LRRC66: variants seen among roughly 807,000 people sequenced by gnomAD.
LRRC66 encodes the protein leucine-rich repeat-containing protein 66.
LRRC66 carries 29 observed loss-of-function variants against 24.6 expected under a neutral mutation model. The observed-to-expected ratio is 1.18, with a 90% CI of 0.88 to 1.61. The LOEUF is 1.61. Among genes scored for constraint, LRRC66 ranks in the 40% most tolerant of loss-of-function variants. The pLI is 0.00. For synonymous variants in LRRC66, 411 were observed against 397.6 expected, an observed-to-expected ratio of 1.03 and a Z score of -0.40; for missense variants, 1,124 against 1,058.0, an observed-to-expected ratio of 1.06 and a Z score of -0.87.
intron 3 of LRRC66, among the ~76,000 whole-genome samples, chr4:52,000,583 T>C (rs1273529794): frequency 1.3e-5 from 2 of 152,234 alleles, no homozygotes; most frequent in Non-Finnish European, 2.9e-5. Context: ...ATAATGTTCT[T>C]GCTAGCAGAC....
chr4:52,000,900 G>A (rs1736432497), intron 3 of LRRC66, among the ~76,000 whole-genome samples: 1 of 152,224 alleles, frequency 6.6e-6, no homozygotes, highest in Admixed American at 6.5e-5. Context: ...TAGAAATTGT[G>A]AGATAATCTA....
At chr4:52,005,614 AACAGG>A (rs1315492562) in intron 2 of LRRC66, among the ~76,000 whole-genome samples, 3 of 82,354 alleles carry the variant, frequency 3.6e-5, no homozygotes, top group Admixed American at 1.6e-4. Context: ...AAAAAAAAAA[AACAGG>A]AAAACAAAGG....
chr4:51,996,287 C>T, intron 4 of LRRC66, 122 bp from the exon 5 acceptor site: 1 of 945,562 alleles, frequency 1.1e-6, no homozygotes, highest in Non-Finnish European at 1.5e-6. Flanking sequence ...TCCAGGCACA[C>T]CCAGCCTGGA....
At position 51,994,225 on chromosome 4, in the gene LRRC66, G is replaced by A; in HGVS notation, c.*154C>T. On this transcript the variant is annotated 3_prime_UTR_variant, in exon 5 of 5. Coordinates refer to ENST00000682860, the MANE Select transcript of LRRC66 (RefSeq NM_001024611.3). ...CCTTCTAGAATCATCGCCCTCAAGT[G>A]GGCCCACAAAACCCTCATTTGCATC... 1.5e-6 allele frequency: 1 copy of A among 684,412 alleles called. No homozygotes were observed. Among genetic ancestry groups the A allele is most frequent in the Non-Finnish European group, 2.4e-6 (1 of 416,392 alleles). 42.4% of individuals were successfully genotyped at this position (684,412 alleles called of 1,614,324 possible). A position where few individuals can be genotyped will look rare whatever the true frequency, so the allele number is the denominator to read the frequency against.
chr4:52,005,687 G>C (rs1473342615), intron 2 of LRRC66, among the ~76,000 whole-genome samples: 1 of 150,708 alleles, frequency 6.6e-6, no homozygotes, highest in East Asian at 1.9e-4. Context: ...CTTATAGTCA[G>C]CTTATTCTGG....
At chr4:52,016,469 A>T (rs1736814553) in intron 2 of LRRC66, among the ~76,000 whole-genome samples, 1 of 152,184 alleles carries the variant, frequency 6.6e-6, no homozygotes, top group South Asian at 2.1e-4. Context: ...TATGAACTTG[A>T]TATATTTTCC....
chr4:51,994,129 C>A lies in LRRC66; in HGVS notation c.*250G>T. On this transcript the variant is annotated 3_prime_UTR_variant, in exon 5 of 5. Coordinates refer to ENST00000682860, the MANE Select transcript of LRRC66 (RefSeq NM_001024611.3). ...TCTTGGAATGATCTCAAAATATTCC[C>A]CTCTTTCTCTTTCACACTGAAGAGC... The A allele has an allele frequency of 4.7e-6, 2 of 430,020 alleles. No homozygotes were observed. Among genetic ancestry groups the A allele is most frequent in the Non-Finnish European group, 8.2e-6 (2 of 243,442 alleles). The allele number at this position is 430,020 out of a possible 1,614,324, so 26.6% of individuals were successfully genotyped here.
chr4:52,000,269 A>G (rs961797180), intron 3 of LRRC66, among the ~76,000 whole-genome samples: 3 of 152,244 alleles, frequency 2.0e-5, no homozygotes, highest in Non-Finnish European at 4.4e-5. Context: ...TGTGAGTTGC[A>G]GAAGACTCAT....
Position 51,994,085 on chromosome 4 carries a change from T to G in LRRC66, c.*294A>C. On this transcript the variant is annotated 3_prime_UTR_variant, in exon 5 of 5. Transcript: ENST00000682860. ...GTGAACTGGTTTTGTTTGGAGCTCTTGTAATAATGGTGCATGGTTCTTGGA... is the reference window on the plus strand; with the variant it reads ...GTGAACTGGTTTTGTTTGGAGCTCTGGTAATAATGGTGCATGGTTCTTGGA... 3.5e-6 allele frequency: 1 copy of G among 286,334 alleles called. No individual in the cohort carries two copies. 17.7% of individuals were successfully genotyped at this position (286,334 alleles called of 1,614,324 possible).
intron 2 of LRRC66, among the ~76,000 whole-genome samples, chr4:52,016,010 A>G (rs1736800995): frequency 6.6e-6 from 1 of 152,202 alleles, no homozygotes; most frequent in South Asian, 2.1e-4. Context: ...TAAATGTTCT[A>G]TAAGTAACAG....
At chr4:52,009,970 TAAA>T (rs774337837) in intron 2 of LRRC66, among the ~76,000 whole-genome samples, 30 of 152,052 alleles carry the variant, frequency 2.0e-4, no homozygotes, top group Non-Finnish European at 3.8e-4. Context: ...CCAAAATATA[TAAA>T]AAAGACAATA....
At chr4:52,016,749 T>C (rs1456461514) in intron 2 of LRRC66, among the ~76,000 whole-genome samples, 2 of 152,184 alleles carry the variant, frequency 1.3e-5, no homozygotes, top group Non-Finnish European at 2.9e-5. Flanking sequence ...TTAATTTGAA[T>C]TGTATTACAT....
rs1335419858 is a variant in LRRC66 at position 52,017,206 on chromosome 4, C to T, written c.408G>A (p.Val136=). 2.5e-6 allele frequency: 4 copies of T among 1,614,062 alleles called. No homozygotes were observed. Among genetic ancestry groups the T allele is most frequent in the Non-Finnish European group, 3.4e-6 (4 of 1,180,022 alleles). The part of the protein sequence containing the change: ...LDLLSPKSSW[V]KRHRSSFRNR... ...TTCTGAAGCTGCTTCTGTGGCGTTT[C>T]ACCCATGAGGACTTAGGACTGAGTA... The change falls in exon 2 of 5, where the codon GTG becomes GTA. Residue 136 remains valine (V), a synonymous_variant. Coordinates refer to ENST00000682860, the MANE Select transcript of LRRC66 (RefSeq NM_001024611.3).
Position 51,997,904 on chromosome 4 carries a change from T to C in LRRC66, c.700A>G (p.Ile234Val). Residue 234 changes from isoleucine to valine, a missense_variant, in exon 4 of 5, where the codon ATC (isoleucine) becomes GTC (valine). Coordinates refer to ENST00000682860, the MANE Select transcript of LRRC66 (RefSeq NM_001024611.3). ...IDLSNNALIT[I>V]LPMMIIALEF... ...AGAGCTATGATCATCATTGGTAGGA[T>C]GGTAATCAGAGCATTGTTGCTAAGG... The C allele has an allele frequency of 1.9e-6, 3 of 1,614,084 alleles. No homozygotes were observed. Among genetic ancestry groups the C allele is most frequent in the Non-Finnish European group, 2.5e-6 (3 of 1,179,966 alleles).
Position 52,017,375 on chromosome 4 carries a change from G to C in LRRC66, c.239C>G (p.Thr80Arg), listed in dbSNP as rs769434173. Reference sequence around the variant, plus strand: ...TTTTATTTTCCACTCTTCTTTTTTCGTGTGAGACTGTAAGAGAACTCTAAA... The same window carrying C: ...TTTTATTTTCCACTCTTCTTTTTTCCTGTGAGACTGTAAGAGAACTCTAAA... ...NFFRVLLQSH[T>R]KKEEWKIKHL... Residue 80 changes from threonine to arginine, a missense_variant, in exon 2 of 5, where the codon ACG becomes AGG. Physicochemically the swap from Thr to Arg is moderately conservative, Grantham distance 71. Coordinates refer to ENST00000682860, the MANE Select transcript of LRRC66 (RefSeq NM_001024611.3). The C allele has an allele frequency of 6.2e-5, 100 of 1,613,820 alleles. No individual in the cohort carries two copies. Among genetic ancestry groups the C allele is most frequent in the Non-Finnish European group, 8.3e-5 (98 of 1,179,964 alleles).
Position 51,995,135 on chromosome 4 carries a change from G to A in LRRC66, c.1887C>T (p.Ser629=), listed in dbSNP as rs770933207. ...EFSKERQVSS[S]IDLLSIQQPR... ...GCTGCTGTATGCTCAGCAAATCAAT[G>A]GATGAACTCACTTGCCTTTCCTTAG... The change falls in exon 5 of 5, where the codon TCC becomes TCT. Residue 629 remains serine, a synonymous_variant. Transcript: ENST00000682860. The A allele has an allele frequency of 5.6e-6, 9 of 1,614,098 alleles. No homozygotes were observed. The highest frequency in any genetic ancestry group is 7.6e-6 in the Non-Finnish European group (9 of 1,180,044).
chr4:51,997,142 G>A (rs1230398804), intron 4 of LRRC66, among the ~76,000 whole-genome samples: 1 of 152,164 alleles, frequency 6.6e-6, no homozygotes, highest in Admixed American at 6.5e-5. Context: ...AGCCAAGGTA[G>A]TTAAGAGTGA....
rs541926011 is a variant in LRRC66, at chr4:51,996,068, C to T, written c.954G>A (p.Arg318=). 5 of 1,614,080 alleles carry T rather than the reference C, an allele frequency of 3.1e-6. No individual in the cohort carries two copies. The Admixed American group carries it at 8.3e-5, about 27-fold the overall frequency. The change falls in exon 5 of 5, where the codon AGG becomes AGA. Residue 318 remains arginine (R), a synonymous_variant. Coordinates refer to ENST00000682860, the MANE Select transcript of LRRC66 (RefSeq NM_001024611.3). ...IHLHRMKSLI[R]SKAERPQGGR... ...CTCCCTGGGGCCTCTCTGCTTTGCT[C>T]CTTATGAGGCTTTTCATGCGATGCA...
rs770315740 is a variant in LRRC66, at chr4:51,995,475, C to T, written c.1547G>A (p.Gly516Asp). 1.2e-6 allele frequency: 2 copies of T among 1,614,130 alleles called. No homozygotes were observed. Among genetic ancestry groups the T allele is most frequent in the Non-Finnish European group, 1.7e-6 (2 of 1,180,012 alleles). The change falls in exon 5 of 5, where the codon GGT (glycine) becomes GAT (aspartate). Residue 516 changes from glycine (G) to aspartate (D), a missense_variant. Gly to Asp is a moderately conservative substitution (Grantham distance 94). Coordinates refer to ENST00000682860, the MANE Select transcript of LRRC66 (RefSeq NM_001024611.3). Reference sequence around the variant, plus strand: ...CGCTGCTGACATTAGTTCACGGTTACCGGCATGTGGATGTCTCTGGAGAAT... The same window carrying T: ...CGCTGCTGACATTAGTTCACGGTTATCGGCATGTGGATGTCTCTGGAGAAT... ...YSILQRHPHA[G>D]NRELMSAAQD... is the part of the protein sequence containing the mutation.
Sources: allele counts gnomAD v4.1 joint callset (sites outside exome capture counted in the v4.1 genomes callset), GRCh38; gene constraint gnomAD v4.1.1; transcripts MANE v1.5; gene names NCBI Gene and HGNC (gene_info 2026-07-23, HGNC 2026-07-21).